TRIM39: variants seen among roughly 807,000 people sequenced by gnomAD.
TRIM39 encodes the protein tripartite motif containing 39, also known as E3 ubiquitin-protein ligase TRIM39.
Under a neutral mutation model 53.6 loss-of-function variants are expected in TRIM39, and 5 were observed. The observed-to-expected ratio is 0.09, with a 90% CI of 0.05 to 0.20. The LOEUF is 0.20. TRIM39 is among the 10% of genes least tolerant of loss of function. TRIM39 has a pLI of 1.00. For missense variants in TRIM39, 310 were observed against 621.0 expected (o/e 0.50, Z 5.32); for synonymous variants, 196 against 237.6 (o/e 0.82, Z 1.61).
intron 1 of TRIM39, among the ~76,000 whole-genome samples, chr6:30,328,038 A>C (rs971584913): frequency 2.0e-5 from 3 of 152,214 alleles, no homozygotes; most frequent in Non-Finnish European, 4.4e-5. Flanking sequence ...CAACTTACCC[A>C]TGGCTAAAAG....
At chr6:30,328,408 CAAGAA>C (rs1398643624) in intron 1 of TRIM39, among the ~76,000 whole-genome samples, 1 of 152,192 alleles carries the variant, frequency 6.6e-6, no homozygotes, top group African/African-American at 2.4e-5. Context: ...AATGTCATTC[CAAGAA>C]GAGAGCAGAT....
intron 3 of TRIM39, 92 bp from the exon 4 acceptor site, chr6:30,330,689 A>T (rs1786037937): frequency 8.8e-6 from 12 of 1,368,582 alleles, no homozygotes; most frequent in Non-Finnish European, 1.1e-5. Flanking sequence ...GGAAGCAAAT[A>T]AATGGTTTAA....
At chr6:30,329,144 A>C in intron 2 of TRIM39, 103 bp downstream of exon 2, 1 of 799,872 alleles carries the variant, frequency 1.3e-6, no homozygotes, top group East Asian at 2.8e-5. Flanking sequence ...GGAGAAACAA[A>C]GAGGTTGAAT....
chr6:30,331,914 ATTAATTCAT>A (rs1337292953), intron 4 of TRIM39, among the ~76,000 whole-genome samples: 2 of 152,206 alleles, frequency 1.3e-5, no homozygotes, highest in Non-Finnish European at 2.9e-5. Context: ...AGTCCTATGC[ATTAATTCAT>A]TAGGTATCCG....
At chr6:30,333,594 C>G (rs985667388) in intron 4 of TRIM39, among the ~76,000 whole-genome samples, 2 of 151,904 alleles carry the variant, frequency 1.3e-5, no homozygotes, top group Non-Finnish European at 2.9e-5. Context: ...ATCTCCTGAC[C>G]TTGTGATCTG....
chr6:30,330,641 A>G (rs1786032495), intron 3 of TRIM39, 140 bp from the exon 4 acceptor site: 1 of 853,434 alleles, frequency 1.2e-6, no homozygotes, highest in Non-Finnish European at 1.8e-6. Context: ...AATGACAGGC[A>G]AGGAAGGAAG....
intron 3 of TRIM39, among the ~76,000 whole-genome samples, chr6:30,330,179 C>T (rs1254612554): frequency 1.3e-5 from 2 of 152,172 alleles, no homozygotes; most frequent in South Asian, 2.1e-4. Flanking sequence ...GAGACTGATA[C>T]CTACCGGACT....
Position 30,342,585 on chromosome 6 carries a change from A to C in TRIM39, c.*326A>C, listed in dbSNP as rs1787668422. On this transcript the variant is annotated 3_prime_UTR_variant, in exon 8 of 8. Transcript: ENST00000396551. This position sits in a 1 kb window ranked among gnomAD's most constrained non-coding sequence, Gnocchi z 4.7. ...CTTTTCCAGAAACAAAAAATCTGTGAGGGTCTGACTTGCTCAAACCAGAGG... is the reference window on the plus strand; with the variant it reads ...CTTTTCCAGAAACAAAAAATCTGTGCGGGTCTGACTTGCTCAAACCAGAGG... 1 of 454,610 alleles carries C rather than the reference A, an allele frequency of 2.2e-6. No individual in the cohort carries two copies. The highest frequency in any genetic ancestry group is 1.9e-5 in the African/African-American group (1 of 51,334). The allele number at this position is 454,610 out of a possible 1,614,324, so 28.2% of individuals were successfully genotyped here. A position where few individuals can be genotyped will look rare whatever the true frequency, so the allele number is the denominator to read the frequency against.
chr6:30,335,647 CTG>C lies in TRIM39; in HGVS notation c.550-97_550-96del. 1 of 1,422,758 alleles carries C rather than the reference CTG, an allele frequency of 7.0e-7. No homozygotes were observed. The highest frequency in any genetic ancestry group is 9.4e-7 in the Non-Finnish European group (1 of 1,064,090). The allele number at this position is 1,422,758 out of a possible 1,614,324, so 88.1% of individuals were successfully genotyped here. ...CTTTGTTAAACCATTTTCAATGAAA[CTG>C]GAAGTCTGTGTTAATTCATACATAT... is the stretch of plus-strand genomic sequence containing the variant. On this transcript the variant is annotated intron_variant, in intron 4 of 7. Transcript: ENST00000396551. This position sits in a 1 kb window ranked among gnomAD's most constrained non-coding sequence, Gnocchi z 4.7.
intron 4 of TRIM39, among the ~76,000 whole-genome samples, chr6:30,331,862 A>G (rs1786221651): frequency 6.6e-6 from 1 of 152,214 alleles, no homozygotes; most frequent in Non-Finnish European, 1.5e-5. Context: ...CTTCCATTGA[A>G]CAGTGAACAA....
Position 30,339,689 on chromosome 6 carries a change from T to C in TRIM39, c.781-219T>C, listed in dbSNP as rs1016885409. On this transcript the variant is annotated intron_variant, in intron 5 of 7. Transcript: ENST00000396551. The surrounding 1 kb of genome is among the most constrained non-coding windows in gnomAD (Gnocchi z 4.2). Reference sequence around the variant, plus strand: ...TAAAAGAAATCATTGGGAAGTGATATAAATGACCAAGCTTCATGATGACCA... The same window carrying C: ...TAAAAGAAATCATTGGGAAGTGATACAAATGACCAAGCTTCATGATGACCA... Among the ~76,000 whole-genome samples the C allele has an allele frequency of 6.6e-6, 1 of 152,204 alleles. No individual in the cohort carries two copies. The highest frequency in any genetic ancestry group is 1.5e-5 in the Non-Finnish European group (1 of 68,034).
exon 8 of TRIM39, chr6:30,341,786 G>T (rs760965483): frequency 6.2e-7 from 1 of 1,612,982 alleles, no homozygotes; most frequent in Non-Finnish European, 8.5e-7. Flanking sequence ...CGTCAAGTTC[G>T]TGGAGACAAG....
rs1786789229 is a variant in TRIM39, at chr6:30,335,870, A to C, written c.675A>C (p.Arg225=). Reference sequence around the variant, plus strand: ...AAGAGGAACAGGACATTCTGCAGCGACTCCGAGAAAATGCTGCTCACCTTG... The same window carrying C: ...AAGAGGAACAGGACATTCTGCAGCGCCTCCGAGAAAATGCTGCTCACCTTG... Residue 225 remains arginine (R), a synonymous_variant, in exon 5 of 8, where the codon CGA becomes CGC. Coordinates refer to ENST00000396551, the Ensembl canonical transcript of TRIM39. This position sits in a 1 kb window ranked among gnomAD's most constrained non-coding sequence, Gnocchi z 4.7. 6.2e-7 allele frequency: 1 copy of C among 1,611,178 alleles called. No individual in the cohort carries two copies. Among genetic ancestry groups the C allele is most frequent in the African/African-American group, 1.3e-5 (1 of 74,358 alleles).
At chr6:30,330,679 G>A in intron 3 of TRIM39, 102 bp from the exon 4 acceptor site, 5 of 1,272,348 alleles carry the variant, frequency 3.9e-6, no homozygotes, top group Non-Finnish European at 5.5e-6. Context: ...AAGATGGCTA[G>A]GAAGCAAATA....
intron 1 of TRIM39, among the ~76,000 whole-genome samples, chr6:30,328,064 G>A (rs990183161): frequency 1.3e-5 from 2 of 152,194 alleles, no homozygotes; most frequent in Non-Finnish European, 2.9e-5. Flanking sequence ...ATGTTTTAAG[G>A]ATGGAGTAGG....
exon 2 of TRIM39, chr6:30,329,027 C>T (rs181517611): frequency 1.6e-4 from 65 of 397,752 alleles, no homozygotes; most frequent in African/African-American, 8.3e-4. Context: ...CTCTTTCTAA[C>T]AAGAGAAAGC....
intron 4 of TRIM39, among the ~76,000 whole-genome samples, chr6:30,333,361 T>G (rs1385883623): frequency 7.0e-6 from 1 of 143,754 alleles, no homozygotes; most frequent in Non-Finnish European, 1.5e-5. Flanking sequence ...TGGTTTTTTT[T>G]TTTTTTTTTT....
chr6:30,340,653 C>T (rs529030096), intron 7 of TRIM39, 33 bp downstream of exon 7: 1 of 1,593,206 alleles, frequency 6.3e-7, no homozygotes, highest in Non-Finnish European at 8.5e-7. Flanking sequence ...CTAGAAGAAA[C>T]CACTAGAGAG....
intron 4 of TRIM39, among the ~76,000 whole-genome samples, chr6:30,331,647 CAAGT>C (rs1244977524): frequency 2.6e-5 from 4 of 152,106 alleles, no homozygotes; most frequent in African/African-American, 9.7e-5. Flanking sequence ...TCTTAAAACT[CAAGT>C]AAGCTTACAT....
Sources: allele counts gnomAD v4.1 joint callset (sites outside exome capture counted in the v4.1 genomes callset), GRCh38; gene constraint gnomAD v4.1.1; non-coding constraint Gnocchi (gnomAD v3.1); transcripts MANE v1.5; gene names NCBI Gene and HGNC (gene_info 2026-07-23, HGNC 2026-07-21).